The following NRG3 variants were observed in gnomAD, a reference collection of about 807,000 sequenced individuals.
NRG3 encodes the protein pro-neuregulin-3, membrane-bound isoform.
A neutral mutation model predicts 66.9 loss-of-function variants in NRG3; 31 were observed. The observed-to-expected ratio is 0.46, with a 90% CI of 0.35 to 0.63. NRG3 has a LOEUF of 0.63. Among genes scored for constraint, NRG3 ranks in the 20% least tolerant of loss-of-function variants. The pLI is 0.00. For synonymous variants in NRG3, 393 were observed against 359.4 expected (o/e 1.09, Z -1.06); for missense variants, 910 against 878.9 (o/e 1.04, Z -0.45).
chr10:82,436,450 C>G (rs1032585066), intron 2 of NRG3, among the ~76,000 whole-genome samples: 3 of 152,094 alleles, frequency 2.0e-5, no homozygotes, highest in African/African-American at 7.2e-5. Context: ...GGTGGGTCTT[C>G]TGAAAACAGT....
intron 2 of NRG3, among the ~76,000 whole-genome samples, chr10:82,389,291 C>T (rs1413468174): frequency 6.6e-6 from 1 of 152,192 alleles, no homozygotes; most frequent in East Asian, 1.9e-4. Context: ...ATAAAAATCA[C>T]TGTGTTAGTG....
intron 1 of NRG3, among the ~76,000 whole-genome samples, chr10:82,132,529 TATATATG>T (rs370722107): frequency 0.078 from 9,794 of 125,020 alleles, 1,346 homozygotes; most frequent in African/African-American, 0.18. Flanking sequence ...ATATATGATA[TATATATG>T]ATATATATAT....
intron 1 of NRG3, among the ~76,000 whole-genome samples, chr10:82,307,505 A>C (rs1255484728): frequency 6.6e-6 from 1 of 152,204 alleles, no homozygotes; most frequent in African/African-American, 2.4e-5. Flanking sequence ...CTTTTTAAAA[A>C]TTCGGAAAGA....
chr10:82,249,633 AAAT>A (rs2077396585), intron 1 of NRG3, among the ~76,000 whole-genome samples: 2 of 152,230 alleles, frequency 1.3e-5, no homozygotes, highest in South Asian at 2.1e-4. Flanking sequence ...AAAAAGTTGT[AAAT>A]AAGCATTTTC....
At chr10:82,002,943 T>G (rs1387427967) in intron 1 of NRG3, among the ~76,000 whole-genome samples, 1 of 152,186 alleles carries the variant, frequency 6.6e-6, no homozygotes, top group East Asian at 1.9e-4. Context: ...ATTATCTAAC[T>G]CACATTTTGA....
intron 2 of NRG3, among the ~76,000 whole-genome samples, chr10:82,635,428 T>C (rs2050124889): frequency 6.6e-6 from 1 of 152,106 alleles, no homozygotes; most frequent in African/African-American, 2.4e-5. Flanking sequence ...CATGATGGAG[T>C]TGCTGGGCAG....
intron 1 of NRG3, among the ~76,000 whole-genome samples, chr10:81,943,175 A>G (rs1334615854): frequency 6.6e-6 from 1 of 151,806 alleles, no homozygotes; most frequent in Non-Finnish European, 1.5e-5. Context: ...ATTGCTTGAG[A>G]GCTCAAGACT....
intron 1 of NRG3, among the ~76,000 whole-genome samples, chr10:82,278,760 C>G (rs564548483): frequency 3.3e-4 from 50 of 152,064 alleles, no homozygotes; most frequent in Non-Finnish European, 5.6e-4. Flanking sequence ...GCTCTGTATT[C>G]TATACATGGC....
At chr10:82,273,866 C>T (rs182739863) in intron 1 of NRG3, among the ~76,000 whole-genome samples, 1 of 151,860 alleles carries the variant, frequency 6.6e-6, no homozygotes, top group Non-Finnish European at 1.5e-5. Context: ...TTTCCCCAGC[C>T]CCAGAAAGAA....
At chr10:82,838,188 T>C (rs1246391821) in intron 3 of NRG3, among the ~76,000 whole-genome samples, 5 of 152,170 alleles carry the variant, frequency 3.3e-5, no homozygotes, top group African/African-American at 1.2e-4. Context: ...GCACGTGTTC[T>C]TGCTGATACA....
At chr10:82,046,882 T>C (rs2063325215) in intron 1 of NRG3, among the ~76,000 whole-genome samples, 1 of 141,310 alleles carries the variant, frequency 7.1e-6, no homozygotes, top group Non-Finnish European at 1.6e-5. Context: ...TATCGATTTG[T>C]GTATATTGAA....
intron 4 of NRG3, among the ~76,000 whole-genome samples, chr10:82,910,627 T>A (rs907231052): frequency 6.6e-6 from 1 of 152,228 alleles, no homozygotes; most frequent in Non-Finnish European, 1.5e-5. Flanking sequence ...ACTAGAAGAT[T>A]TTTTTATTCC....
At chr10:82,895,320 C>A (rs1175077708) in intron 4 of NRG3, among the ~76,000 whole-genome samples, 1 of 152,096 alleles carries the variant, frequency 6.6e-6, no homozygotes, top group East Asian at 1.9e-4. Flanking sequence ...ATCCAATACA[C>A]CTTTGTCAAA....
At chr10:81,982,001 A>G (rs1027630776) in intron 1 of NRG3, among the ~76,000 whole-genome samples, 4 of 152,280 alleles carry the variant, frequency 2.6e-5, no homozygotes, top group Non-Finnish European at 5.9e-5. Context: ...TTTCCAAAAC[A>G]TACCTTTTAT....
intron 1 of NRG3, among the ~76,000 whole-genome samples, chr10:82,137,265 G>T (rs777471661): frequency 6.6e-6 from 1 of 152,166 alleles, no homozygotes; most frequent in African/African-American, 2.4e-5. Flanking sequence ...TCAGGATTGC[G>T]CTTTTAGAAC....
At chr10:82,076,195 T>G (rs2065080089) in intron 1 of NRG3, among the ~76,000 whole-genome samples, 1 of 152,150 alleles carries the variant, frequency 6.6e-6, no homozygotes, top group Non-Finnish European at 1.5e-5. Context: ...CTTTGCTAAG[T>G]CTTCACAGTG....
At chr10:82,788,886 T>C (rs1232978000) in intron 3 of NRG3, among the ~76,000 whole-genome samples, 1 of 152,150 alleles carries the variant, frequency 6.6e-6, no homozygotes, top group African/African-American at 2.4e-5. Flanking sequence ...TATTATTCTT[T>C]GTATTGCAAA....
At position 81,958,620 on chromosome 10, in the gene NRG3, A is replaced by C. The variant is rs188054579; in HGVS notation, c.823+82457A>C. Among the ~76,000 whole-genome samples, 9 of 152,334 alleles carry C rather than the reference A, an allele frequency of 5.9e-5. No homozygotes were observed. The South Asian group carries it at 1.9e-3, about 32-fold the overall frequency. ...ACATATAACACATAAACAGATATAC[A>C]GGCTGGGCATGGTGGCTCATGCCTG... On this transcript the variant is annotated intron_variant, in intron 1 of 8. Coordinates refer to ENST00000372141, the MANE Select transcript of NRG3 (RefSeq NM_001010848.4).
chr10:82,255,479 G>T (rs1001390328), intron 1 of NRG3, among the ~76,000 whole-genome samples: 1 of 152,168 alleles, frequency 6.6e-6, no homozygotes, highest in Admixed American at 6.5e-5. Context: ...AACGTAGGAG[G>T]TAATGCAATT....
Sources: gnomAD v4.1 joint callset for allele counts (sites outside exome capture counted in the v4.1 genomes callset) on GRCh38, gnomAD v4.1.1 for gene constraint, MANE v1.5 for transcripts, NCBI Gene and HGNC (gene_info 2026-07-23, HGNC 2026-07-21) for gene names.